KCNQ3: variants seen among roughly 807,000 people sequenced by gnomAD.
KCNQ3 encodes potassium voltage-gated channel subfamily Q member 3.
In KCNQ3, 30 loss-of-function variants were observed where a neutral mutation model predicts 92.5. That is an observed-to-expected ratio of 0.32 (90% CI 0.24 to 0.44). The LOEUF (loss-of-function observed/expected upper bound fraction) is 0.44. Ranked by LOEUF, KCNQ3 falls within the 20% of genes least tolerant of loss-of-function variation. KCNQ3 has a pLI of 1.00. For synonymous variants in KCNQ3, 450 were observed against 468.8 expected (o/e 0.96, Z 0.52); for missense variants, 913 against 1,140.3 (o/e 0.80, Z 2.87).
chr8:132,469,793 A>G (rs1246047181), intron 1 of KCNQ3, among the ~76,000 whole-genome samples: 1 of 151,984 alleles, frequency 6.6e-6, no homozygotes, highest in African/African-American at 2.4e-5. Flanking sequence ...ATGTTAAGAA[A>G]TGAATAAACT....
Position 132,125,190 on chromosome 8 carries a change from A to G in KCNQ3, c.*4072T>C, listed in dbSNP as rs908745116. 6.6e-6 allele frequency: 1 copy of G among 152,204 alleles called. No homozygotes were observed. The highest frequency in any genetic ancestry group is 1.5e-5 in the Non-Finnish European group (1 of 68,054). 9.4% of individuals were successfully genotyped at this position (152,204 alleles called of 1,614,324 possible). ...CTTTTTGCACAGCTTCTCTGGAGCT[A>G]TGAAGTTCAAAGCATTGAATCCAAA... On this transcript the variant is annotated 3_prime_UTR_variant, in exon 15 of 15. Transcript: ENST00000388996.
intron 1 of KCNQ3, among the ~76,000 whole-genome samples, chr8:132,347,253 T>C (rs1045128457): frequency 2.5e-4 from 38 of 152,318 alleles, no homozygotes; most frequent in African/African-American, 8.9e-4. Flanking sequence ...GCCAAGTCCC[T>C]GGCCCTCTCT....
intron 1 of KCNQ3, among the ~76,000 whole-genome samples, chr8:132,374,017 C>T (rs1250395819): frequency 3.9e-5 from 6 of 152,100 alleles, no homozygotes; most frequent in Non-Finnish European, 8.8e-5. Context: ...CATCAGAGAC[C>T]ACCCCACAGG....
intron 9 of KCNQ3, among the ~76,000 whole-genome samples, chr8:132,153,441 C>T (rs1462527692): frequency 6.6e-6 from 1 of 152,088 alleles, no homozygotes; most frequent in African/African-American, 2.4e-5. Flanking sequence ...CATGCAACCC[C>T]CCAAGACACA....
chr8:132,178,704 A>G (rs564431197), intron 4 of KCNQ3, among the ~76,000 whole-genome samples: 2 of 151,970 alleles, frequency 1.3e-5, no homozygotes, highest in Non-Finnish European at 2.9e-5. Flanking sequence ...CCTTCAACGT[A>G]TCTAGGTGCA....
chr8:132,363,079 G>T (rs112215366), intron 1 of KCNQ3, among the ~76,000 whole-genome samples: 8 of 152,212 alleles, frequency 5.3e-5, no homozygotes, highest in African/African-American at 1.9e-4. Flanking sequence ...ACAAAGTCAC[G>T]GGAAGGGGGC....
chr8:132,446,608 C>T (rs534150935), intron 1 of KCNQ3, among the ~76,000 whole-genome samples: 20 of 152,310 alleles, frequency 1.3e-4, no homozygotes, highest in Non-Finnish European at 1.0e-4. Context: ...GTCTATGTGT[C>T]AGCAAAAATT....
intron 9 of KCNQ3, among the ~76,000 whole-genome samples, chr8:132,161,016 G>T (rs1825968205): frequency 6.6e-6 from 1 of 151,558 alleles, no homozygotes; most frequent in Non-Finnish European, 1.5e-5. Flanking sequence ...TATGTAAAAT[G>T]CTTAGCATAA....
chr8:132,300,727 A>T (rs1817186650), intron 1 of KCNQ3, among the ~76,000 whole-genome samples: 1 of 152,138 alleles, frequency 6.6e-6, no homozygotes, highest in Non-Finnish European at 1.5e-5. Flanking sequence ...CCAATAAAAG[A>T]TGTTTTAAAC....
chr8:132,172,201 T>A (rs1451459576), intron 7 of KCNQ3, among the ~76,000 whole-genome samples: 2 of 151,628 alleles, frequency 1.3e-5, no homozygotes, highest in Admixed American at 6.6e-5. Flanking sequence ...AACCACCGTA[T>A]CAAAAAAAAG....
intron 7 of KCNQ3, among the ~76,000 whole-genome samples, chr8:132,171,828 C>T (rs766105039): frequency 3.3e-5 from 5 of 152,020 alleles, no homozygotes; most frequent in Non-Finnish European, 7.4e-5. Context: ...AGCCCCAGGT[C>T]CAAGCCAAAT....
intron 2 of KCNQ3, among the ~76,000 whole-genome samples, chr8:132,185,129 G>C (rs1826920973): frequency 6.6e-6 from 1 of 152,348 alleles, no homozygotes; most frequent in East Asian, 1.9e-4. Context: ...GAGTTGGATG[G>C]TTTCCAGGGA....
chr8:132,310,448 C>A (rs1006062752), intron 1 of KCNQ3, among the ~76,000 whole-genome samples: 1 of 151,912 alleles, frequency 6.6e-6, no homozygotes, highest in Admixed American at 6.6e-5. Context: ...CGGGGCAAAG[C>A]GCCCCACTGG....
At chr8:132,394,707 C>T (rs1293520255) in intron 1 of KCNQ3, among the ~76,000 whole-genome samples, 1 of 152,094 alleles carries the variant, frequency 6.6e-6, no homozygotes, top group Non-Finnish European at 1.5e-5. Flanking sequence ...AGTTCAAGGA[C>T]TTCCCAGATC....
intron 1 of KCNQ3, among the ~76,000 whole-genome samples, chr8:132,385,204 G>A (rs868791093): frequency 4.6e-5 from 7 of 152,256 alleles, no homozygotes; most frequent in African/African-American, 1.7e-4. Flanking sequence ...CAGAGATTGC[G>A]TGAAGTCAGT....
At chr8:132,198,823 A>G (rs1253993931) in intron 1 of KCNQ3, among the ~76,000 whole-genome samples, 1 of 152,126 alleles carries the variant, frequency 6.6e-6, no homozygotes. Flanking sequence ...CAAAAACCAA[A>G]AAAACAGGAG....
At chr8:132,379,414 G>A (rs371575334) in intron 1 of KCNQ3, among the ~76,000 whole-genome samples, 8 of 151,978 alleles carry the variant, frequency 5.3e-5, no homozygotes, top group African/African-American at 1.9e-4. Context: ...GAGGGTCTAA[G>A]TTTCTTCTCC....
chr8:132,448,907 G>C (rs1167371038), intron 1 of KCNQ3, among the ~76,000 whole-genome samples: 3 of 152,158 alleles, frequency 2.0e-5, no homozygotes. Flanking sequence ...GAACACAAAT[G>C]TCAGCCCTGG....
At chr8:132,258,623 G>A (rs371739186) in intron 1 of KCNQ3, among the ~76,000 whole-genome samples, 206 of 151,836 alleles carry the variant, frequency 1.4e-3, no homozygotes, top group African/African-American at 4.6e-3. Context: ...CAAATGAACC[G>A]TAAAGTAGGC....
Sources: allele counts gnomAD v4.1 joint callset (sites outside exome capture counted in the v4.1 genomes callset), GRCh38; gene constraint gnomAD v4.1.1; transcripts MANE v1.5; gene names NCBI Gene and HGNC (gene_info 2026-07-23, HGNC 2026-07-21).